The following SMAD3 variants were observed in gnomAD, a reference collection of about 807,000 sequenced individuals.
The protein encoded by SMAD3 is SMAD family member 3, also known as MAD homolog 3.
SMAD3 carries 12 observed loss-of-function variants against 51.8 expected under a neutral mutation model. That is an observed-to-expected ratio of 0.23 (90% CI 0.15 to 0.38). The LOEUF (loss-of-function observed/expected upper bound fraction) is 0.38. Among genes scored for constraint, SMAD3 ranks in the 10% least tolerant of loss-of-function variants. SMAD3 has a pLI of 1.00. For synonymous variants in SMAD3, 238 were observed against 227.7 expected (o/e 1.05, Z -0.41); for missense variants, 294 against 565.6 (o/e 0.52, Z 4.87).
rs187721166 is a variant in SMAD3, at chr15:67,116,789, G to A, written c.207-48106G>A. 1.0e-3 allele frequency among the ~76,000 whole-genome samples: 157 copies of A among 152,280 alleles called. 1 individual carries two copies. Among genetic ancestry groups the A allele is most frequent in the Admixed American group, 9.9e-3 (151 of 15,302 alleles). Reference sequence around the variant, plus strand: ...GATGGGGGTATCTGTTCTGCATGGAGGATAGATGACTTCTCAGCCATTGGG... The same window carrying A: ...GATGGGGGTATCTGTTCTGCATGGAAGATAGATGACTTCTCAGCCATTGGG... On this transcript the variant is annotated intron_variant, in intron 1 of 8. Transcript: ENST00000327367.
rs374818369 is a variant in SMAD3 at position 67,094,657 on chromosome 15, C to T, written c.206+28297C>T. The stretch of plus-strand genomic sequence containing the variant: ...GCTGAAGATCATAATTATGTGAGAT[C>T]TGCTTTACAGGCATTTAGGGAAATG... On this transcript the variant is annotated intron_variant, in intron 1 of 8. Coordinates refer to ENST00000327367, the MANE Select transcript of SMAD3 (RefSeq NM_005902.4). 1.5e-4 allele frequency among the ~76,000 whole-genome samples: 23 copies of T among 152,314 alleles called. No individual in the cohort carries two copies. In the East Asian group the frequency reaches 1.7e-3, roughly 12 times the overall value.
intron 1 of SMAD3, among the ~76,000 whole-genome samples, chr15:67,150,513 C>T (rs1033822196): frequency 4.6e-5 from 7 of 152,146 alleles, no homozygotes; most frequent in African/African-American, 1.7e-4. Flanking sequence ...AATCCCACCC[C>T]CAAGCGTGCA....
intron 4 of SMAD3, among the ~76,000 whole-genome samples, chr15:67,168,164 A>G (rs1294153372): frequency 2.0e-5 from 3 of 152,318 alleles, no homozygotes; most frequent in East Asian, 3.9e-4. Flanking sequence ...CATGTTGGCT[A>G]GGCTGGTCTC....
At chr15:67,179,543 G>A (rs574080920) in intron 5 of SMAD3, among the ~76,000 whole-genome samples, 2 of 152,170 alleles carry the variant, frequency 1.3e-5, no homozygotes, top group East Asian at 1.9e-4. Context: ...TGGAGTGCAG[G>A]GGTGTTACTG....
At chr15:67,076,343 C>T (rs573003430) in intron 1 of SMAD3, among the ~76,000 whole-genome samples, 5 of 152,148 alleles carry the variant, frequency 3.3e-5, no homozygotes, top group African/African-American at 4.8e-5. Context: ...TCTCCTGGGG[C>T]GGGGGATGGG....
intron 1 of SMAD3, among the ~76,000 whole-genome samples, chr15:67,082,793 C>T (rs1007971887): frequency 6.6e-6 from 1 of 152,110 alleles, no homozygotes; most frequent in Non-Finnish European, 1.5e-5. Flanking sequence ...CCCAAGGCCT[C>T]GTGTTTTGTT....
At chr15:67,113,387 G>A (rs1401150324) in intron 1 of SMAD3, among the ~76,000 whole-genome samples, 2 of 151,934 alleles carry the variant, frequency 1.3e-5, no homozygotes, top group African/African-American at 4.8e-5. Flanking sequence ...ACTGCGCCCG[G>A]CCTTAAAATA....
At chr15:67,182,423 G>C (rs540457502) in intron 6 of SMAD3, among the ~76,000 whole-genome samples, 28 of 152,338 alleles carry the variant, frequency 1.8e-4, no homozygotes, top group African/African-American at 6.7e-4. Context: ...AGAGATGGCA[G>C]AGTGAGGTTT....
intron 1 of SMAD3, among the ~76,000 whole-genome samples, chr15:67,110,943 A>G (rs986700427): frequency 2.0e-5 from 3 of 152,256 alleles, no homozygotes; most frequent in Non-Finnish European, 4.4e-5. Flanking sequence ...CATTACTAGT[A>G]ACACAAGTCC....
chr15:67,185,969 G>C (rs1170887066), intron 7 of SMAD3, among the ~76,000 whole-genome samples: 2 of 152,266 alleles, frequency 1.3e-5, no homozygotes, highest in Non-Finnish European at 2.9e-5. Context: ...GGAAACTTTA[G>C]AATGCAGAAA....
At chr15:67,091,680 C>A (rs1014311998) in intron 1 of SMAD3, among the ~76,000 whole-genome samples, 1 of 152,112 alleles carries the variant, frequency 6.6e-6, no homozygotes, top group Non-Finnish European at 1.5e-5. Flanking sequence ...AACTGACACT[C>A]TTCTAAAGTT....
At chr15:67,173,405 G>A (rs1035602148) in intron 5 of SMAD3, among the ~76,000 whole-genome samples, 3 of 152,158 alleles carry the variant, frequency 2.0e-5, no homozygotes, top group Non-Finnish European at 4.4e-5. Context: ...GTTGTGCCAT[G>A]TGTGAGCGGG....
chr15:67,136,528 G>A (rs1279299330), intron 1 of SMAD3, among the ~76,000 whole-genome samples: 5 of 151,926 alleles, frequency 3.3e-5, no homozygotes, highest in African/African-American at 7.3e-5. Flanking sequence ...ACAGGGTTTC[G>A]CCATGTTGGC....
In SMAD3 at chr15:67,155,317, G is replaced by A. The variant is rs905916818; in HGVS notation, c.207-9578G>A. On this transcript the variant is annotated intron_variant, in intron 1 of 8. Coordinates refer to ENST00000327367, the MANE Select transcript of SMAD3 (RefSeq NM_005902.4). ...AACAAAGGATGCTTTGGATTTGACTGTGTGTACCAAAGGGAATAAGTGAAC... is the reference window on the plus strand; with the variant it reads ...AACAAAGGATGCTTTGGATTTGACTATGTGTACCAAAGGGAATAAGTGAAC... 2.0e-5 allele frequency among the ~76,000 whole-genome samples: 3 copies of A among 152,348 alleles called. No individual in the cohort carries two copies. In the South Asian group the frequency reaches 6.2e-4, roughly 32 times the overall value.
At chr15:67,165,726 G>T (rs1209774769) in intron 3 of SMAD3, among the ~76,000 whole-genome samples, 1 of 152,228 alleles carries the variant, frequency 6.6e-6, no homozygotes, top group Admixed American at 6.5e-5. Context: ...CCAATAGACT[G>T]GGGGTCTGCA....
chr15:67,126,275 A>G (rs567914399), intron 1 of SMAD3, among the ~76,000 whole-genome samples: 1 of 152,156 alleles, frequency 6.6e-6, no homozygotes, highest in South Asian at 2.1e-4. Context: ...AGATTGAGGC[A>G]TGAGTTGTGA....
At chr15:67,087,524 G>C (rs927416088) in intron 1 of SMAD3, among the ~76,000 whole-genome samples, 2 of 152,178 alleles carry the variant, frequency 1.3e-5, no homozygotes, top group African/African-American at 4.8e-5. Context: ...GGTATGGATG[G>C]GAGTGATTAT....
At chr15:67,168,394 A>G (rs537687818) in intron 4 of SMAD3, among the ~76,000 whole-genome samples, 1 of 152,352 alleles carries the variant, frequency 6.6e-6, no homozygotes, top group East Asian at 1.9e-4. Context: ...AACCAGCTGG[A>G]ATGCATCGAA....
chr15:67,153,535 C>G (rs1962203948), intron 1 of SMAD3, among the ~76,000 whole-genome samples: 1 of 152,134 alleles, frequency 6.6e-6, no homozygotes, highest in South Asian at 2.1e-4. Flanking sequence ...TTGCTCATCT[C>G]AGAGCATTTC....
Sources: gnomAD v4.1 joint callset for allele counts (sites outside exome capture counted in the v4.1 genomes callset) on GRCh38, gnomAD v4.1.1 for gene constraint, MANE v1.5 for transcripts, NCBI Gene and HGNC (gene_info 2026-07-23, HGNC 2026-07-21) for gene names.